CADPS2: variants seen among roughly 807,000 people sequenced by gnomAD.
CADPS2 encodes calcium-dependent secretion activator 2.
CADPS2 carries 93 observed loss-of-function variants against 172.5 expected under a neutral mutation model. That is an observed-to-expected ratio of 0.54 (90% CI 0.46 to 0.64). The LOEUF (loss-of-function observed/expected upper bound fraction) is 0.64, where lower values mean the gene tolerates loss of function less well. Ranked by LOEUF, CADPS2 falls within the 30% of genes least tolerant of loss-of-function variation. The pLI, the probability that CADPS2 is intolerant of heterozygous loss-of-function variation, is 0.00. For missense variants in CADPS2, 1,420 were observed against 1,565.9 expected, an observed-to-expected ratio of 0.91 and a Z score of 1.57; for synonymous variants, 546 against 555.2, an observed-to-expected ratio of 0.98 and a Z score of 0.23.
At chr7:122,428,471 ATT>A (rs369393609) in intron 17 of CADPS2, among the ~76,000 whole-genome samples, 72 of 117,080 alleles carry the variant, frequency 6.1e-4, no homozygotes, top group Admixed American at 1.5e-3. Flanking sequence ...ATATATATAT[ATT>A]TTTTTTTTTT....
chr7:122,754,337 G>A (rs377488308), intron 1 of CADPS2, among the ~76,000 whole-genome samples: 3 of 152,070 alleles, frequency 2.0e-5, no homozygotes, highest in African/African-American at 7.2e-5. Context: ...TGTGACTCTT[G>A]AAGGAATTTG....
At chr7:122,552,452 A>G (rs2064421798) in intron 8 of CADPS2, among the ~76,000 whole-genome samples, 1 of 151,984 alleles carries the variant, frequency 6.6e-6, no homozygotes, top group Non-Finnish European at 1.5e-5. Context: ...CTTTTCCTTC[A>G]CCTTTAGTCT....
At chr7:122,477,723 C>T (rs2056867726) in intron 12 of CADPS2, among the ~76,000 whole-genome samples, 1 of 152,068 alleles carries the variant, frequency 6.6e-6, no homozygotes, top group Non-Finnish European at 1.5e-5. Flanking sequence ...TACATATAGA[C>T]AGTAAAATGG....
intron 27 of CADPS2, among the ~76,000 whole-genome samples, chr7:122,347,892 T>A (rs2037932722): frequency 6.6e-6 from 1 of 152,120 alleles, no homozygotes; most frequent in Non-Finnish European, 1.5e-5. Flanking sequence ...ACACTGACAA[T>A]GAGAACATTC....
At chr7:122,357,173 C>A (rs1469126312) in intron 27 of CADPS2, among the ~76,000 whole-genome samples, 1 of 152,154 alleles carries the variant, frequency 6.6e-6, no homozygotes, top group East Asian at 1.9e-4. Context: ...CCTTCCTTTG[C>A]TTGCCTCTAA....
intron 9 of CADPS2, among the ~76,000 whole-genome samples, chr7:122,501,238 G>C (rs1381414598): frequency 6.6e-6 from 1 of 152,038 alleles, no homozygotes; most frequent in Non-Finnish European, 1.5e-5. Flanking sequence ...CTGGGTGACA[G>C]AGTGAACTCT....
chr7:122,430,171 T>C (rs1454309988), intron 17 of CADPS2, among the ~76,000 whole-genome samples: 1 of 152,014 alleles, frequency 6.6e-6, no homozygotes, highest in Non-Finnish European at 1.5e-5. Flanking sequence ...CCAAGAAAAA[T>C]CCTCACCTCC....
intron 8 of CADPS2, among the ~76,000 whole-genome samples, chr7:122,518,765 C>A (rs181841469): frequency 4.5e-4 from 69 of 152,044 alleles, no homozygotes; most frequent in African/African-American, 1.5e-3. Context: ...ACACATTTAA[C>A]TGGGTTTTAT....
intron 15 of CADPS2, among the ~76,000 whole-genome samples, chr7:122,441,986 T>C (rs2051416467): frequency 6.6e-6 from 1 of 152,226 alleles, no homozygotes; most frequent in South Asian, 2.1e-4. Flanking sequence ...GGTGGCCACA[T>C]ATACCACAGC....
At chr7:122,775,021 TG>T (rs2139198302) in intron 1 of CADPS2, among the ~76,000 whole-genome samples, 1 of 152,298 alleles carries the variant, frequency 6.6e-6, no homozygotes, top group Admixed American at 6.5e-5. Context: ...CAACTATGTG[TG>T]TTTTTTTTAA....
At chr7:122,357,331 G>T (rs2039537246) in intron 27 of CADPS2, 1 of 152,228 alleles carries the variant, frequency 6.6e-6, no homozygotes, top group Non-Finnish European at 1.5e-5. Flanking sequence ...TTATTTATAA[G>T]TTCCATTTCC....
At chr7:122,491,069 T>C (rs959314536) in intron 10 of CADPS2, among the ~76,000 whole-genome samples, 2 of 152,138 alleles carry the variant, frequency 1.3e-5, no homozygotes, top group African/African-American at 4.8e-5. Flanking sequence ...AATTATTCCA[T>C]TACAGTGAAT....
chr7:122,456,388 T>C (rs1476845813), intron 14 of CADPS2, among the ~76,000 whole-genome samples: 1 of 152,230 alleles, frequency 6.6e-6, no homozygotes, highest in East Asian at 1.9e-4. Flanking sequence ...GGTAGTCTTA[T>C]GTATCAATAT....
intron 1 of CADPS2, among the ~76,000 whole-genome samples, chr7:122,743,942 T>G (rs1194207845): frequency 6.6e-6 from 1 of 152,192 alleles, no homozygotes; most frequent in East Asian, 1.9e-4. Context: ...GATGTGCTGA[T>G]ATTATCAGTG....
chr7:122,800,993 A>G (rs1003832969), intron 1 of CADPS2, among the ~76,000 whole-genome samples: 3 of 133,862 alleles, frequency 2.2e-5, no homozygotes, highest in South Asian at 4.6e-4. Flanking sequence ...CTCTGCCTCA[A>G]AAAAAAAAAA....
intron 2 of CADPS2, among the ~76,000 whole-genome samples, chr7:122,687,090 C>T (rs1489243895): frequency 2.6e-5 from 4 of 152,206 alleles, no homozygotes; most frequent in Non-Finnish European, 5.9e-5. Context: ...AGGCAGCCTA[C>T]ATCAAAACCC....
chr7:122,564,847 GCACACACACA>G (rs113078322), intron 7 of CADPS2, among the ~76,000 whole-genome samples: 35 of 145,520 alleles, frequency 2.4e-4, no homozygotes, highest in African/African-American at 6.7e-4. Flanking sequence ...ACACACACAT[GCACACACACA>G]CACACACACA....
chr7:122,757,085 G>T (rs2138598793), intron 1 of CADPS2, among the ~76,000 whole-genome samples: 1 of 116,046 alleles, frequency 8.6e-6, no homozygotes, highest in East Asian at 2.1e-4. Flanking sequence ...GGGAAGCTCT[G>T]AACTGTTGAC....
intron 1 of CADPS2, among the ~76,000 whole-genome samples, chr7:122,768,756 T>C (rs1164062499): frequency 6.6e-6 from 1 of 152,166 alleles, no homozygotes; most frequent in Non-Finnish European, 1.5e-5. Context: ...GCAAATATTT[T>C]CTCTTTTATG....
Sources: allele counts gnomAD v4.1 joint callset (sites outside exome capture counted in the v4.1 genomes callset), GRCh38; gene constraint gnomAD v4.1.1; transcripts MANE v1.5; gene names NCBI Gene and HGNC (gene_info 2026-07-23, HGNC 2026-07-21).